VIT: variants seen among roughly 807,000 people sequenced by gnomAD.
VIT encodes vitrin.
A neutral mutation model predicts 78.0 loss-of-function variants in VIT; 99 were observed. That is an observed-to-expected ratio of 1.27 (90% CI 1.08 to 1.50). VIT has a LOEUF of 1.50. Ranked by LOEUF, VIT falls within the 40% of genes most tolerant of loss-of-function variation. VIT has a pLI of 0.00. For synonymous variants in VIT, 374 were observed against 334.3 expected (o/e 1.12, Z -1.29); for missense variants, 1,126 against 875.3 (o/e 1.29, Z -3.61).
At chr2:36,726,594 G>C (rs989926231) in intron 2 of VIT, among the ~76,000 whole-genome samples, 1 of 152,094 alleles carries the variant, frequency 6.6e-6, no homozygotes, top group Admixed American at 6.6e-5. Context: ...GAGGCAGGTG[G>C]ATCACCTGAG....
intron 2 of VIT, among the ~76,000 whole-genome samples, chr2:36,725,511 C>T (rs1666778584): frequency 7.1e-6 from 1 of 140,984 alleles, no homozygotes; most frequent in African/African-American, 2.7e-5. Flanking sequence ...TGAGGGCTCA[C>T]TGTCAAGACC....
chr2:36,754,862 T>A, intron 4 of VIT, 59 bp from the exon 5 acceptor site: 1 of 1,571,316 alleles, frequency 6.4e-7, no homozygotes, highest in South Asian at 1.2e-5. Flanking sequence ...TTCTAGCCTG[T>A]TGATCACGTC....
At chr2:36,755,988 A>C in intron 5 of VIT, among the ~76,000 whole-genome samples, 1 of 89,510 alleles carries the variant, frequency 1.1e-5, no homozygotes, top group Non-Finnish European at 2.1e-5. Context: ...ACGGAGTTTC[A>C]ATCTTGTTGC....
chr2:36,783,218 A>G (rs1004391520), intron 10 of VIT, 122 bp from the exon 11 acceptor site: 1 of 780,304 alleles, frequency 1.3e-6, no homozygotes, highest in Non-Finnish European at 2.1e-6. Context: ...GAAAAAAAGC[A>G]CAGTTAGCTT....
At chr2:36,773,968 C>T in intron 8 of VIT, 121 bp downstream of exon 8, 3 of 988,592 alleles carry the variant, frequency 3.0e-6, no homozygotes, top group Non-Finnish European at 4.1e-6. Context: ...CCACTTAGGC[C>T]AACAGAAGAT....
intron 1 of VIT, among the ~76,000 whole-genome samples, chr2:36,709,430 A>G (rs1665663676): frequency 6.6e-6 from 1 of 152,224 alleles, no homozygotes; most frequent in Admixed American, 6.5e-5. Flanking sequence ...ACTGACACTT[A>G]GTATATGTTC....
intron 11 of VIT, among the ~76,000 whole-genome samples, chr2:36,785,090 G>T (rs1280790538): frequency 6.6e-6 from 1 of 152,188 alleles, no homozygotes; most frequent in Non-Finnish European, 1.5e-5. Flanking sequence ...CAATATCCAT[G>T]TACTTTATTC....
At chr2:36,734,287 C>G (rs1224435789) in intron 3 of VIT, among the ~76,000 whole-genome samples, 1 of 152,180 alleles carries the variant, frequency 6.6e-6, no homozygotes, top group Non-Finnish European at 1.5e-5. Flanking sequence ...CTTTTAGAAG[C>G]TCTCAGTTTT....
intron 12 of VIT, among the ~76,000 whole-genome samples, chr2:36,794,523 C>T (rs901684322): frequency 2.6e-5 from 4 of 152,110 alleles, no homozygotes; most frequent in Non-Finnish European, 5.9e-5. Flanking sequence ...CTGAGACCTG[C>T]CACGGACTGC....
At chr2:36,811,935 C>T (rs923644105) in intron 15 of VIT, among the ~76,000 whole-genome samples, 7 of 152,134 alleles carry the variant, frequency 4.6e-5, no homozygotes, top group East Asian at 1.9e-4. Context: ...CTCAGCCTCC[C>T]GAAGTGCTGG....
intron 7 of VIT, among the ~76,000 whole-genome samples, chr2:36,768,185 A>G (rs998150722): frequency 1.2e-4 from 19 of 152,198 alleles, no homozygotes; most frequent in African/African-American, 4.6e-4. Context: ...TAATCCCAGC[A>G]CTTTGGGAGG....
chr2:36,777,047 C>G (rs1480923296), intron 9 of VIT, among the ~76,000 whole-genome samples: 2 of 144,226 alleles, frequency 1.4e-5, no homozygotes, highest in African/African-American at 2.5e-5. Context: ...CGAGATCACG[C>G]CACTGCACTC....
At chr2:36,729,056 T>C (rs952951912) in intron 2 of VIT, among the ~76,000 whole-genome samples, 2 of 152,156 alleles carry the variant, frequency 1.3e-5, no homozygotes, top group African/African-American at 4.8e-5. Context: ...ATACCTTTTT[T>C]ATGTTTAGAT....
chr2:36,696,744 G>GTA lies in VIT; in HGVS notation c.-246_-245dup, dbSNP rs1664705499. 1 of 151,818 alleles carries GTA rather than the reference G, an allele frequency of 6.6e-6. No individual in the cohort carries two copies. Among genetic ancestry groups the GTA allele is most frequent in the Non-Finnish European group, 1.5e-5 (1 of 67,984 alleles). 9.4% of individuals were successfully genotyped at this position (151,818 alleles called of 1,614,324 possible). ...AGTATGTGTGAGCATGTGTGTGTGT[G>GTA]TATGTGTGTGGGGGGGGGTGTAAAA... On this transcript the variant is annotated 5_prime_UTR_variant, in exon 1 of 16. It adds an upstream start codon to the 5' untranslated region. Coordinates refer to ENST00000379242, the MANE Select transcript of VIT (RefSeq NM_053276.4).
intron 6 of VIT, among the ~76,000 whole-genome samples, chr2:36,764,682 C>T (rs541821841): frequency 3.3e-5 from 5 of 152,262 alleles, no homozygotes; most frequent in East Asian, 1.9e-4. Flanking sequence ...AATTCCAACC[C>T]GATTCCAGGA....
At chr2:36,741,612 T>C (rs1028374065) in intron 3 of VIT, among the ~76,000 whole-genome samples, 4 of 152,142 alleles carry the variant, frequency 2.6e-5, no homozygotes, top group Admixed American at 1.3e-4. Context: ...CTGGAAGCCA[T>C]TAGCAACTCT....
intron 9 of VIT, among the ~76,000 whole-genome samples, chr2:36,781,460 G>A (rs1167825849): frequency 1.3e-5 from 2 of 152,178 alleles, no homozygotes; most frequent in Non-Finnish European, 2.9e-5. Flanking sequence ...AGTTCCTTTT[G>A]AATCCAAGGA....
At position 36,805,661 on chromosome 2, in the gene VIT, C is replaced by A; in HGVS notation, c.1386C>A (p.Asn462Lys). 6.2e-7 allele frequency: 1 copy of A among 1,612,998 alleles called. No homozygotes were observed. Among genetic ancestry groups the A allele is most frequent in the Non-Finnish European group, 8.5e-7 (1 of 1,179,306 alleles). Residue 462 changes from asparagine to lysine, a missense_variant, in exon 14 of 16, where the codon AAC (asparagine) becomes AAA (lysine). Asn to Lys is a moderately conservative substitution (Grantham distance 94). Coordinates refer to ENST00000379242, the MANE Select transcript of VIT (RefSeq NM_053276.4). Reference sequence around the variant, plus strand: ...ATGTGGTGGAGCCCAACTTTGCAAACAAGGTAGATGACTGCCCGGAGACCT... The same window carrying A: ...ATGTGGTGGAGCCCAACTTTGCAAAAAAGGTAGATGACTGCCCGGAGACCT... ...KQYVVEPNFA[N>K]KAVCRTNGFY...
At chr2:36,742,799 A>G (rs61082903) in intron 3 of VIT, among the ~76,000 whole-genome samples, 5,864 of 152,270 alleles carry the variant, frequency 0.039, 389 homozygotes, top group African/African-American at 0.14. Flanking sequence ...ATTTCTGGCC[A>G]CTGGAGGTGG....
Sources: allele counts gnomAD v4.1 joint callset (sites outside exome capture counted in the v4.1 genomes callset), GRCh38; gene constraint gnomAD v4.1.1; transcripts MANE v1.5; gene names NCBI Gene and HGNC (gene_info 2026-07-23, HGNC 2026-07-21).